KANK1: variants seen among roughly 807,000 people sequenced by gnomAD.
The protein encoded by KANK1 is KN motif and ankyrin repeat domain-containing protein 1.
In KANK1, 109 loss-of-function variants were observed where a neutral mutation model predicts 106.2. The observed-to-expected ratio is 1.03, with a 90% CI of 0.88 to 1.20. The LOEUF (loss-of-function observed/expected upper bound fraction) is 1.20, where lower values mean the gene tolerates loss of function less well. KANK1 is among the 50% of genes most tolerant of loss of function. The pLI, the probability that KANK1 is intolerant of heterozygous loss-of-function variation, is 0.00. For missense variants in KANK1, 2,399 were observed against 1,710.7 expected, an observed-to-expected ratio of 1.40 and a Z score of -7.10; for synonymous variants, 873 against 652.2, an observed-to-expected ratio of 1.34 and a Z score of -5.16.
intron 1 of KANK1, among the ~76,000 whole-genome samples, chr9:511,916 G>C (rs578036002): frequency 6.6e-6 from 1 of 152,200 alleles, no homozygotes; most frequent in South Asian, 2.1e-4. Context: ...ATTCAGGCAG[G>C]GCTGGGCTGG....
At chr9:615,601 C>T (rs998156096) in intron 1 of KANK1, among the ~76,000 whole-genome samples, 3 of 152,166 alleles carry the variant, frequency 2.0e-5, no homozygotes, top group Non-Finnish European at 4.4e-5. Context: ...GAGTCAGTCC[C>T]ATAGTATATC....
intron 1 of KANK1, among the ~76,000 whole-genome samples, chr9:546,621 T>TTG (rs2060944699): frequency 6.6e-6 from 1 of 152,078 alleles, no homozygotes. Context: ...TAGGTTTTCA[T>TTG]TTGTTTATTC....
chr9:698,297 T>G (rs1310674128), intron 2 of KANK1, among the ~76,000 whole-genome samples: 2 of 152,126 alleles, frequency 1.3e-5, no homozygotes, highest in Non-Finnish European at 2.9e-5. Context: ...CGAGTCTGTG[T>G]TCTGCATCTC....
rs550429405 is a variant in KANK1 at position 719,623 on chromosome 9, A to G, written c.2698+6159A>G. Among the ~76,000 whole-genome samples, 209 of 152,374 alleles carry G rather than the reference A, an allele frequency of 1.4e-3. 4 individuals are homozygous for G. In the Middle Eastern group the frequency reaches 0.024, roughly 17 times the overall value. ...TATATTTTTTTAAATTGATTTTCTAACAAATTTGGAAACCCATGGCTATAT... is the reference window on the plus strand; with the variant it reads ...TATATTTTTTTAAATTGATTTTCTAGCAAATTTGGAAACCCATGGCTATAT... On this transcript the variant is annotated intron_variant, in intron 3 of 11. Coordinates refer to ENST00000382297, the MANE Select transcript of KANK1 (RefSeq NM_015158.5).
intron 1 of KANK1, among the ~76,000 whole-genome samples, chr9:573,525 C>T (rs1001576249): frequency 2.6e-5 from 4 of 152,078 alleles, no homozygotes; most frequent in Non-Finnish European, 5.9e-5. Flanking sequence ...CCTCCTCGGC[C>T]TCCCAAAGTG....
intron 1 of KANK1, among the ~76,000 whole-genome samples, chr9:518,333 T>TA (rs1323346392): frequency 6.6e-6 from 1 of 151,674 alleles, no homozygotes; most frequent in Non-Finnish European, 1.5e-5. Flanking sequence ...AGTCTGTATT[T>TA]AAGCTCCGCT....
intron 1 of KANK1, among the ~76,000 whole-genome samples, chr9:538,972 C>A (rs1235115978): frequency 6.6e-6 from 1 of 152,118 alleles, no homozygotes; most frequent in Non-Finnish European, 1.5e-5. Context: ...CCTCCACCTC[C>A]TGGGTTCAAG....
At chr9:742,128 C>T (rs1589363122) in intron 9 of KANK1, 77 bp from the exon 10 acceptor site, 2 of 1,251,920 alleles carry the variant, frequency 1.6e-6, no homozygotes, top group African/African-American at 3.0e-5. Flanking sequence ...TCCCCCTTTC[C>T]CTAGCACAGC....
At chr9:524,280 T>C (rs2059682308) in intron 1 of KANK1, among the ~76,000 whole-genome samples, 1 of 151,612 alleles carries the variant, frequency 6.6e-6, no homozygotes, top group African/African-American at 2.4e-5. Context: ...TTTACTTGAT[T>C]AAGTCGTTCT....
At chr9:537,958 TCAACA>T (rs923416169) in intron 1 of KANK1, among the ~76,000 whole-genome samples, 2 of 152,222 alleles carry the variant, frequency 1.3e-5, no homozygotes, top group East Asian at 1.9e-4. Flanking sequence ...ATTTTCTCAC[TCAACA>T]CAACAAGTTG....
chr9:517,207 A>T (rs928611602), intron 1 of KANK1, among the ~76,000 whole-genome samples: 2 of 151,720 alleles, frequency 1.3e-5, no homozygotes, highest in African/African-American at 2.4e-5. Flanking sequence ...CGGTTCAAGC[A>T]GTTCTCCTGC....
intron 3 of KANK1, among the ~76,000 whole-genome samples, chr9:728,917 A>C (rs1293669734): frequency 6.6e-6 from 1 of 152,174 alleles, no homozygotes; most frequent in Non-Finnish European, 1.5e-5. Context: ...TATACCTTAC[A>C]TGCATTGATT....
chr9:584,328 A>G (rs1036170234), intron 1 of KANK1, among the ~76,000 whole-genome samples: 6 of 152,224 alleles, frequency 3.9e-5, no homozygotes, highest in African/African-American at 7.2e-5. Context: ...TGTGTCATGC[A>G]TACATATAAA....
intron 1 of KANK1, among the ~76,000 whole-genome samples, chr9:639,290 T>G (rs1303021646): frequency 6.6e-6 from 1 of 152,140 alleles, no homozygotes; most frequent in Non-Finnish European, 1.5e-5. Context: ...TCTTTTCACA[T>G]GGAGATTTGA....
At chr9:729,141 G>A (rs972535491) in intron 3 of KANK1, among the ~76,000 whole-genome samples, 2 of 152,130 alleles carry the variant, frequency 1.3e-5, no homozygotes, top group Admixed American at 1.3e-4. Flanking sequence ...AATCCAAATT[G>A]CTTCGGTCAG....
rs35377139 is a variant in KANK1, at chr9:524,982, C to CTTTTT, written c.-84+20246_-84+20250dup. Reference sequence around the variant, plus strand: ...TTAGTCAATCCCAAACTCTTGCTGCCTTTTTTTTTTTTTTTTTTTTTTGAG... The same window carrying CTTTTT: ...TTAGTCAATCCCAAACTCTTGCTGCCTTTTTTTTTTTTTTTTTTTTTTTTTTTGAG... On this transcript the variant is annotated intron_variant, in intron 1 of 11. Transcript: ENST00000382297. Among the ~76,000 whole-genome samples, 418 of 91,940 alleles carry CTTTTT rather than the reference C, an allele frequency of 4.5e-3. 39 individuals are homozygous for CTTTTT. Among genetic ancestry groups the CTTTTT allele is most frequent in the African/African-American group, 0.018 (389 of 21,316 alleles). The allele number at this position is 91,940 out of a possible 152,430, so 60.3% of individuals were successfully genotyped here. A position where few individuals can be genotyped will look rare whatever the true frequency, so the allele number is the denominator to read the frequency against.
Position 709,055 on chromosome 9 carries a change from G to A in KANK1, c.38-1749G>A, listed in dbSNP as rs200822593. 2.0e-5 allele frequency among the ~76,000 whole-genome samples: 3 copies of A among 152,270 alleles called. No individual in the cohort carries two copies. In the East Asian group the frequency reaches 5.8e-4, roughly 29 times the overall value. ...CATGATCCAGTGGTTGGAGTATGTAGGTTTTGCCCTTATCTTCATTCTTTG... is the reference window on the plus strand; with the variant it reads ...CATGATCCAGTGGTTGGAGTATGTAAGTTTTGCCCTTATCTTCATTCTTTG... On this transcript the variant is annotated intron_variant, in intron 2 of 11. Transcript: ENST00000382297.
chr9:615,721 C>T (rs908913169), intron 1 of KANK1, among the ~76,000 whole-genome samples: 2 of 152,034 alleles, frequency 1.3e-5, no homozygotes, highest in Non-Finnish European at 2.9e-5. Flanking sequence ...ACCATAAAGT[C>T]CAAGACATGA....
chr9:665,749 A>G (rs1844418920), intron 1 of KANK1, among the ~76,000 whole-genome samples: 1 of 152,228 alleles, frequency 6.6e-6, no homozygotes, highest in Non-Finnish European at 1.5e-5. Context: ...TGCTTTGGGT[A>G]GGATTGTCAT....
Sources: gnomAD v4.1 joint callset for allele counts (sites outside exome capture counted in the v4.1 genomes callset) on GRCh38, gnomAD v4.1.1 for gene constraint, MANE v1.5 for transcripts, NCBI Gene and HGNC (gene_info 2026-07-23, HGNC 2026-07-21) for gene names.